The following ELP2 variants were observed in gnomAD, a reference collection of about 807,000 sequenced individuals.
ELP2 encodes elongator acetyltransferase complex subunit 2.
In ELP2, 90 loss-of-function variants were observed where a neutral mutation model predicts 119.2. That is an observed-to-expected ratio of 0.75 (90% confidence interval 0.64 to 0.90). The LOEUF (loss-of-function observed/expected upper bound fraction) is 0.90, where lower values mean the gene tolerates loss of function less well. ELP2 is among the 40% of genes least tolerant of loss of function. ELP2 has a pLI of 0.00. For missense variants in ELP2, 921 were observed against 967.8 expected (o/e 0.95, Z 0.64); for synonymous variants, 339 against 331.0 (o/e 1.02, Z -0.26).
intron 6 of ELP2, among the ~76,000 whole-genome samples, chr18:36,141,941 T>A (rs183519699): frequency 2.8e-4 from 42 of 152,248 alleles, no homozygotes; most frequent in African/African-American, 1.0e-3. Flanking sequence ...TAGTCCCACC[T>A]CCTCAGCCTC....
rs1598839021 is a variant in ELP2 at position 36,170,128 on chromosome 18, C to T, written c.2142C>T (p.Ser714=). 8 of 1,614,068 alleles carry T rather than the reference C, an allele frequency of 5.0e-6. No homozygotes were observed. The East Asian group carries it at 1.8e-4, about 36-fold the overall frequency. Residue 714 remains serine (S), a synonymous_variant, in exon 20 of 22, where the codon TCC becomes TCT. Coordinates refer to ENST00000358232, the MANE Select transcript of ELP2 (RefSeq NM_018255.4). ...DCIEHNIGPC[S]SVLDVGGAVT... is the part of the protein sequence containing the mutation. ...TTGAGCACAACATTGGCCCCTGCTC[C>T]TCAGTCCTGGACGTGGGTGGGGCTG...
At chr18:36,147,662 C>G (rs2090251819) in intron 11 of ELP2, among the ~76,000 whole-genome samples, 1 of 146,702 alleles carries the variant, frequency 6.8e-6, no homozygotes, top group Non-Finnish European at 1.5e-5. Context: ...GATTCTGCCC[C>G]TCCCCCCGCC....
At chr18:36,151,892 C>T (rs2090415529) in intron 11 of ELP2, among the ~76,000 whole-genome samples, 1 of 151,714 alleles carries the variant, frequency 6.6e-6, no homozygotes, top group Admixed American at 6.6e-5. Context: ...GGATTACATG[C>T]ACCCACCACC....
chr18:36,167,282 T>C, intron 19 of ELP2, 60 bp downstream of exon 19: 2 of 1,326,366 alleles, frequency 1.5e-6, no homozygotes, highest in Admixed American at 2.2e-5. Context: ...TATAGGTATG[T>C]TTGAATAAAA....
intron 12 of ELP2, 69 bp downstream of exon 12, chr18:36,155,068 A>G: frequency 1.5e-6 from 2 of 1,355,298 alleles, no homozygotes; most frequent in Non-Finnish European, 2.1e-6. Flanking sequence ...GCTGAAGTGC[A>G]ATGGCACGAT....
chr18:36,131,576 G>A (rs1351089638), intron 1 of ELP2, among the ~76,000 whole-genome samples: 2 of 152,232 alleles, frequency 1.3e-5, no homozygotes, highest in Non-Finnish European at 1.5e-5. Flanking sequence ...AATCAACTCC[G>A]TCGTAAAATT....
At chr18:36,150,766 C>T (rs1421701404) in intron 11 of ELP2, among the ~76,000 whole-genome samples, 1 of 152,144 alleles carries the variant, frequency 6.6e-6, no homozygotes, top group African/African-American at 2.4e-5. Context: ...TTTTACAGTA[C>T]CAGGTAGGGG....
At chr18:36,173,752 A>G (rs1378802675) in intron 21 of ELP2, among the ~76,000 whole-genome samples, 2 of 152,158 alleles carry the variant, frequency 1.3e-5, no homozygotes, top group Admixed American at 1.3e-4. Context: ...TTCAGTGTTT[A>G]TTGCCCTAAA....
chr18:36,147,991 C>T (rs151006902), intron 11 of ELP2, among the ~76,000 whole-genome samples: 2 of 152,098 alleles, frequency 1.3e-5, no homozygotes, highest in African/African-American at 2.4e-5. Context: ...CTTAGCTATT[C>T]GGAAGCTCCG....
intron 11 of ELP2, among the ~76,000 whole-genome samples, chr18:36,148,615 T>G (rs577716734): frequency 6.6e-6 from 1 of 152,178 alleles, no homozygotes; most frequent in African/African-American, 2.4e-5. Flanking sequence ...TCCCAGCACT[T>G]TGGGAGGCCA....
intron 11 of ELP2, among the ~76,000 whole-genome samples, chr18:36,151,968 GGT>G (rs1491352893): frequency 7.9e-6 from 1 of 125,814 alleles, no homozygotes; most frequent in East Asian, 2.1e-4. Flanking sequence ...TAGCCAGGCT[GGT>G]CAACTCCTGA....
intron 21 of ELP2, among the ~76,000 whole-genome samples, chr18:36,173,307 A>G (rs891780076): frequency 3.3e-5 from 5 of 152,254 alleles, no homozygotes; most frequent in Non-Finnish European, 7.3e-5. Context: ...GTTCAGAACT[A>G]GCTTACTAAT....
At chr18:36,139,385 C>G (rs141939108) in intron 5 of ELP2, 2 of 1,521,866 alleles carry the variant, frequency 1.3e-6, no homozygotes, top group African/African-American at 2.7e-5. Flanking sequence ...AGATAATAGC[C>G]AGTGTGAGTG....
intron 17 of ELP2, 23 bp from the exon 18 acceptor site, chr18:36,164,452 A>G: frequency 6.2e-7 from 1 of 1,604,248 alleles, no homozygotes; most frequent in Non-Finnish European, 8.5e-7. Context: ...TACTAGCTTC[A>G]TTGTTTCATC....
At chr18:36,169,148 A>G (rs1255549451) in intron 19 of ELP2, among the ~76,000 whole-genome samples, 1 of 149,488 alleles carries the variant, frequency 6.7e-6, no homozygotes, top group African/African-American at 2.5e-5. Context: ...CTGGTTTTGA[A>G]CTCCTGGCCT....
In ELP2 at chr18:36,180,265, C is replaced by T. The variant is rs757672417; in HGVS notation, c.*5624C>T. The stretch of plus-strand genomic sequence containing the variant: ...AAAAACATTTCTTGGAAGTCCCATA[C>T]TATTTTGCTTAATCTCCTCGGGCAG... On this transcript the variant is annotated 3_prime_UTR_variant, in exon 22 of 22. Transcript: ENST00000358232. 1 of 152,226 alleles carries T rather than the reference C, an allele frequency of 6.6e-6. No homozygotes were observed. Among genetic ancestry groups the T allele is most frequent in the African/African-American group, 2.4e-5 (1 of 41,454 alleles). The allele number at this position is 152,226 out of a possible 1,614,324, so 9.4% of individuals were successfully genotyped here.
At position 36,156,639 on chromosome 18, in the gene ELP2, T is replaced by C; in HGVS notation, c.1449T>C (p.Asn483=). The C allele has an allele frequency of 6.2e-7, 1 of 1,614,020 alleles. No homozygotes were observed. The highest frequency in any genetic ancestry group is 1.3e-5 in the African/African-American group (1 of 75,056). The change falls in exon 13 of 22, where the codon AAT becomes AAC. Residue 483 remains asparagine, a synonymous_variant. Transcript: ENST00000358232. The part of the protein sequence containing the change: ...NFCAITGQSL[N]HVLCNQDSDL... ...GTGCCATTACAGGACAATCACTGAATCATGTGCTCTGTAATGTGAGTATTT... is the reference window on the plus strand; with the variant it reads ...GTGCCATTACAGGACAATCACTGAACCATGTGCTCTGTAATGTGAGTATTT...
At chr18:36,163,769 G>C (rs1006988852) in intron 17 of ELP2, among the ~76,000 whole-genome samples, 6 of 152,094 alleles carry the variant, frequency 3.9e-5, no homozygotes, top group African/African-American at 1.4e-4. Context: ...ATGTGGGTCT[G>C]TTCCGTAGAC....
At position 36,160,981 on chromosome 18, in the gene ELP2, ACT is replaced by A. The variant is rs2090721527; in HGVS notation, c.1741_1742del (p.Leu581AlafsTer6). 2.5e-6 allele frequency: 4 copies of A among 1,613,490 alleles called. No homozygotes were observed. The highest frequency in any genetic ancestry group is 3.3e-5 in the Admixed American group (2 of 59,946). On this transcript the variant is annotated frameshift_variant, in exon 17 of 22. Coordinates refer to ENST00000358232, the MANE Select transcript of ELP2 (RefSeq NM_018255.4). LOFTEE classifies it high-confidence loss of function. ...TTGTGTTACTTGTAACAGTTCAAAG[ACT>A]CTGCTTGCCTCAGCTTGTAAGGTAG... The part of the protein sequence containing the change: ...IFCVTCNSSK[T>X]LLASACKAAK...
Sources: allele counts gnomAD v4.1 joint callset (sites outside exome capture counted in the v4.1 genomes callset), GRCh38; gene constraint gnomAD v4.1.1; transcripts MANE v1.5; gene names NCBI Gene and HGNC (gene_info 2026-07-23, HGNC 2026-07-21).